Variants in SHISA9 observed in about 807,000 individuals in gnomAD.
SHISA9 encodes shisa family member 9, also known as protein shisa-9.
SHISA9 carries 13 observed loss-of-function variants against 38.0 expected under a neutral mutation model. The observed-to-expected ratio is 0.34, with a 90% CI of 0.22 to 0.54. The LOEUF is 0.54. Ranked by LOEUF, SHISA9 falls within the 20% of genes least tolerant of loss-of-function variation. The pLI is 0.91. For missense variants in SHISA9, 538 were observed against 575.8 expected (o/e 0.93, Z 0.67); for synonymous variants, 275 against 242.0 (o/e 1.14, Z -1.27).
chr16:13,381,597 G>T, the SHISA9 span, among the ~76,000 whole-genome samples: 1 of 152,114 alleles, frequency 6.6e-6, no homozygotes, highest in African/African-American at 2.4e-5. Flanking sequence ...GGACGGGTTG[G>T]GGAGCAAAGT....
At chr16:13,015,808 AGTTT>A (rs151331063) in intron 2 of SHISA9, among the ~76,000 whole-genome samples, 2,725 of 140,088 alleles carry the variant, frequency 0.019, 89 homozygotes, top group African/African-American at 0.064. Context: ...TCTTTCTTTA[AGTTT>A]GTTTGTTTGT....
chr16:12,941,284 G>A (rs2071607565), intron 2 of SHISA9, among the ~76,000 whole-genome samples: 1 of 152,198 alleles, frequency 6.6e-6, no homozygotes, highest in Non-Finnish European at 1.5e-5. Flanking sequence ...CCAGGAGGCG[G>A]AGGCTACAGT....
the SHISA9 span, among the ~76,000 whole-genome samples, chr16:13,393,793 C>A: frequency 6.6e-6 from 1 of 152,158 alleles, no homozygotes; most frequent in African/African-American, 2.4e-5. Flanking sequence ...AGGTGGCTGG[C>A]TGTCTCTGTG....
chr16:13,550,185 C>T, the SHISA9 span, among the ~76,000 whole-genome samples: 1 of 152,034 alleles, frequency 6.6e-6, no homozygotes, highest in African/African-American at 2.4e-5. Context: ...AGCAGTGTGG[C>T]TGGACTAGAT....
chr16:13,248,862 A>C, the SHISA9 span, among the ~76,000 whole-genome samples: 1 of 152,220 alleles, frequency 6.6e-6, no homozygotes, highest in Admixed American at 6.5e-5. Flanking sequence ...GGACCAAAAC[A>C]AGGATCTACT....
chr16:13,471,211 T>C, the SHISA9 span, among the ~76,000 whole-genome samples: 1 of 152,084 alleles, frequency 6.6e-6, no homozygotes, highest in Non-Finnish European at 1.5e-5. Context: ...ACCCTTAATA[T>C]GGGGCTGACA....
In SHISA9 at chr16:13,009,046, A is replaced by G. The variant is rs1469124950; in HGVS notation, c.691+92231A>G. 3.3e-5 allele frequency among the ~76,000 whole-genome samples: 5 copies of G among 152,184 alleles called. No homozygotes were observed. In the East Asian group the frequency reaches 5.8e-4, roughly 18 times the overall value. ...GGAGAGTGACAAAAGTTAGCACTTC[A>G]TGAATGTCCGTTATGTTCTAGGCTC... On this transcript the variant is annotated intron_variant, in intron 2 of 4. Transcript: ENST00000558583.
chr16:13,476,748 T>TG, the SHISA9 span, among the ~76,000 whole-genome samples: 11 of 112,540 alleles, frequency 9.8e-5, no homozygotes, highest in African/African-American at 2.5e-4. Context: ...GTTTTTTTTT[T>TG]TTTTTTTTTT....
At chr16:13,405,414 C>T in the SHISA9 span, among the ~76,000 whole-genome samples, 4 of 152,146 alleles carry the variant, frequency 2.6e-5, no homozygotes, top group Admixed American at 1.3e-4. Context: ...GGAAATCAGC[C>T]GCTCTGCAAG....
chr16:13,182,292 A>G (rs2142032418), intron 2 of SHISA9, among the ~76,000 whole-genome samples: 1 of 152,340 alleles, frequency 6.6e-6, no homozygotes, highest in East Asian at 1.9e-4. Context: ...AACTTACCTG[A>G]GGTCACATAG....
rs996568036 is a variant in SHISA9, at chr16:12,916,893, T to C, written c.691+78T>C. Reference sequence around the variant, plus strand: ...GGTCACATTGCCAGATTTCGTGGAGTGTGCTTGGGTTAGTTAAGAGCTCTT... The same window carrying C: ...GGTCACATTGCCAGATTTCGTGGAGCGTGCTTGGGTTAGTTAAGAGCTCTT... On this transcript the variant is annotated intron_variant, in intron 2 of 4. Coordinates refer to ENST00000558583, the MANE Select transcript of SHISA9 (RefSeq NM_001145204.3). 15 of 1,477,028 alleles carry C rather than the reference T, an allele frequency of 1.0e-5. No homozygotes were observed. In the African/African-American group the frequency reaches 2.1e-4, roughly 21 times the overall value. 91.5% of individuals were successfully genotyped at this position (1,477,028 alleles called of 1,614,324 possible).
intron 2 of SHISA9, among the ~76,000 whole-genome samples, chr16:12,965,791 T>C (rs755168479): frequency 1.3e-5 from 2 of 152,260 alleles, no homozygotes; most frequent in Non-Finnish European, 2.9e-5. Context: ...AGATGATATA[T>C]GTAAAACATC....
At chr16:13,075,657 T>C (rs1475041703) in intron 2 of SHISA9, among the ~76,000 whole-genome samples, 2 of 152,190 alleles carry the variant, frequency 1.3e-5, no homozygotes, top group African/African-American at 4.8e-5. Flanking sequence ...ATCTCCTCTA[T>C]GCAAGGCGCT....
intron 2 of SHISA9, among the ~76,000 whole-genome samples, chr16:13,132,064 A>G (rs551412846): frequency 2.0e-5 from 3 of 152,322 alleles, no homozygotes; most frequent in East Asian, 1.9e-4. Context: ...GCACAGGACA[A>G]TGTGTCTGTT....
intron 2 of SHISA9, among the ~76,000 whole-genome samples, chr16:13,105,729 TGAG>T (rs2073919946): frequency 6.6e-6 from 1 of 152,200 alleles, no homozygotes; most frequent in Non-Finnish European, 1.5e-5. Flanking sequence ...GCTCATCTGC[TGAG>T]GAGAGCTGCC....
At chr16:13,510,857 C>G in the SHISA9 span, among the ~76,000 whole-genome samples, 2 of 152,142 alleles carry the variant, frequency 1.3e-5, no homozygotes, top group Admixed American at 1.3e-4. Context: ...GGACCCTTGT[C>G]ATCTACGTAC....
intron 2 of SHISA9, among the ~76,000 whole-genome samples, chr16:13,187,597 A>G (rs1276652053): frequency 1.3e-5 from 2 of 152,014 alleles, no homozygotes; most frequent in Admixed American, 6.6e-5. Flanking sequence ...TGCCTCCCAA[A>G]GTGCTGGGAT....
intron 2 of SHISA9, among the ~76,000 whole-genome samples, chr16:12,925,632 T>G (rs2071384480): frequency 6.6e-6 from 1 of 152,232 alleles, no homozygotes; most frequent in Non-Finnish European, 1.5e-5. Flanking sequence ...GCTGTAGGAC[T>G]ATTTGTAAAG....
the SHISA9 span, among the ~76,000 whole-genome samples, chr16:13,407,457 G>T: frequency 6.6e-6 from 1 of 152,102 alleles, no homozygotes; most frequent in Non-Finnish European, 1.5e-5. Flanking sequence ...ACCCCAAAAG[G>T]CCTCACCTCC....
Sources: allele counts gnomAD v4.1 joint callset (sites outside exome capture counted in the v4.1 genomes callset), GRCh38; gene constraint gnomAD v4.1.1; transcripts MANE v1.5; gene names NCBI Gene and HGNC (gene_info 2026-07-23, HGNC 2026-07-21).